ADAMTSL4: variants seen among roughly 807,000 people sequenced by gnomAD.
The protein encoded by ADAMTSL4 is ADAMTS-like protein 4.
A neutral mutation model predicts 122.8 loss-of-function variants in ADAMTSL4; 97 were observed. The ratio of observed to expected loss-of-function variants is 0.79; its 90% CI spans 0.67 to 0.93. The LOEUF (loss-of-function observed/expected upper bound fraction) is 0.93, where lower values mean the gene tolerates loss of function less well. Ranked by LOEUF, ADAMTSL4 falls within the 40% of genes least tolerant of loss-of-function variation. The pLI is 0.00. For synonymous variants in ADAMTSL4, 592 were observed against 568.0 expected, an observed-to-expected ratio of 1.04 and a Z score of -0.60; for missense variants, 1,408 against 1,453.5, an observed-to-expected ratio of 0.97 and a Z score of 0.51.
At position 150,553,732 on chromosome 1, in the gene ADAMTSL4, C is replaced by T. The variant is rs1459910961; in HGVS notation, c.741C>T (p.Ala247=). The T allele has an allele frequency of 6.2e-7, 1 of 1,613,356 alleles. No homozygotes were observed. The highest frequency in any genetic ancestry group is 8.5e-7 in the Non-Finnish European group (1 of 1,179,636). Residue 247 remains alanine (A), a synonymous_variant, in exon 6 of 19, where the codon GCC becomes GCT. Transcript: ENST00000271643. ...AGGTGGCCCCCAGAACCAGGCCTGCCCCCCTACGGCATCACCCCAGAGCCC... is the reference window on the plus strand; with the variant it reads ...AGGTGGCCCCCAGAACCAGGCCTGCTCCCCTACGGCATCACCCCAGAGCCC... ...QTEVAPRTRP[A]PLRHHPRAQA...
rs1356831910 is a variant in ADAMTSL4 at position 150,560,289 on chromosome 1, C to A, written c.*93C>A. 6 of 1,551,574 alleles carry A rather than the reference C, an allele frequency of 3.9e-6. No homozygotes were observed. The highest frequency in any genetic ancestry group is 4.4e-6 in the Non-Finnish European group (5 of 1,144,932). On this transcript the variant is annotated 3_prime_UTR_variant, in exon 19 of 19. Transcript: ENST00000271643. ...AACCCCCTGGCTCTCCAGCCTGTCC[C>A]AGTCTCAGCAGGGATGTCCTCCAGG...
Position 150,554,452 on chromosome 1 carries a change from G to C in ADAMTSL4, c.1219G>C (p.Glu407Gln). ...QEFMGQLYQW[E>Q]PFTEVQGSQR... Reference sequence around the variant, plus strand: ...ATTCATGGGCCAGCTGTATCAGTGGGAGCCCTTCACTGAAGGTGAGGTTTC... The same window carrying C: ...ATTCATGGGCCAGCTGTATCAGTGGCAGCCCTTCACTGAAGGTGAGGTTTC... The change falls in exon 7 of 19, where the codon GAG becomes CAG. Residue 407 changes from glutamate to glutamine, a missense_variant. Physicochemically the swap from Glu to Gln is conservative, Grantham distance 29. Coordinates refer to ENST00000271643, the MANE Select transcript of ADAMTSL4 (RefSeq NM_019032.6). This position sits in a 1 kb window ranked among gnomAD's most constrained non-coding sequence, Gnocchi z 4.0. 6.2e-7 allele frequency: 1 copy of C among 1,614,160 alleles called. No individual in the cohort carries two copies.
Position 150,552,306 on chromosome 1 carries a change from C to T in ADAMTSL4, c.18C>T (p.Gly6=). MENWT[G]RPWLYLLLLL... Reference sequence around the variant, plus strand: ...GGGGAGCGATGGAGAACTGGACTGGCAGGTGAGAGAAGGGGCCACGGGTTG... The same window carrying T: ...GGGGAGCGATGGAGAACTGGACTGGTAGGTGAGAGAAGGGGCCACGGGTTG... Residue 6 remains glycine (G), a splice_region_variant and synonymous_variant, in exon 3 of 19, where the codon GGC becomes GGT. Coordinates refer to ENST00000271643, the MANE Select transcript of ADAMTSL4 (RefSeq NM_019032.6). The surrounding 1 kb of genome is among the most constrained non-coding windows in gnomAD (Gnocchi z 4.0). 6.4e-7 allele frequency: 1 copy of T among 1,556,004 alleles called. No individual in the cohort carries two copies. Among genetic ancestry groups the T allele is most frequent in the Non-Finnish European group, 8.7e-7 (1 of 1,149,090 alleles).
At chr1:150,560,014 G>A in intron 18 of ADAMTSL4, 46 bp from the exon 19 acceptor site, 1 of 1,614,022 alleles carries the variant, frequency 6.2e-7, no homozygotes, top group Admixed American at 1.7e-5. Flanking sequence ...CCAGACGGGT[G>A]GGTCCTGGTG....
chr1:150,555,594 C>T (rs6669880), intron 8 of ADAMTSL4, 29 bp downstream of exon 8: 1 of 1,590,958 alleles, frequency 6.3e-7, no homozygotes, highest in South Asian at 1.1e-5. Context: ...TGTGTGCACA[C>T]ACACATGCAT....
rs587713484 is a variant in ADAMTSL4 at position 150,556,457 on chromosome 1, A to C, written c.1576+91A>C. On this transcript the variant is annotated intron_variant, in intron 9 of 18. Coordinates refer to ENST00000271643, the MANE Select transcript of ADAMTSL4 (RefSeq NM_019032.6). The surrounding 1 kb of genome is among the most constrained non-coding windows in gnomAD (Gnocchi z 4.1). ...GCAGTGAGCAAGCCAAACAGGGGGA[A>C]GTCCAGGGCCTAGCCCCTCCCCTCG... 1.9e-6 allele frequency: 3 copies of C among 1,578,924 alleles called. No individual in the cohort carries two copies. Among genetic ancestry groups the C allele is most frequent in the Non-Finnish European group, 2.6e-6 (3 of 1,154,108 alleles).
chr1:150,559,574 C>A lies in ADAMTSL4; in HGVS notation c.2943+108C>A. ...GTCTCTCTGTGCCCCAGAATAAGCC[C>A]AGCCAAGCGTTACCACTGTCCTACT... On this transcript the variant is annotated intron_variant, in intron 17 of 18. Transcript: ENST00000271643. The surrounding 1 kb of genome is among the most constrained non-coding windows in gnomAD (Gnocchi z 4.1). 1 of 1,568,128 alleles carries A rather than the reference C, an allele frequency of 6.4e-7. No homozygotes were observed. Among genetic ancestry groups the A allele is most frequent in the Admixed American group, 1.7e-5 (1 of 58,368 alleles).
At position 150,560,173 on chromosome 1, in the gene ADAMTSL4, C is replaced by CA. The variant is rs761832443; in HGVS notation, c.3202_3203insA (p.Arg1068GlnfsTer31). On this transcript the variant is annotated frameshift_variant, in exon 19 of 19. Coordinates refer to ENST00000271643, the MANE Select transcript of ADAMTSL4 (RefSeq NM_019032.6). LOFTEE classifies it high-confidence loss of function. ...CCGCTCTTGCGCACATGTCCTGGAG[C>CA]GGTCTCCCCAGGATCCCTCCTGAAA... 1.2e-6 allele frequency: 2 copies of CA among 1,614,052 alleles called. No homozygotes were observed. The highest frequency in any genetic ancestry group is 2.2e-5 in the South Asian group (2 of 91,088).
intron 14 of ADAMTSL4, 87 bp downstream of exon 14, chr1:150,558,236 G>T: frequency 6.3e-7 from 1 of 1,591,306 alleles, no homozygotes. Flanking sequence ...TTTTTCATCA[G>T]CAGAAACTAT....
Position 150,556,881 on chromosome 1 carries a change from G to A in ADAMTSL4, c.1750-58G>A. ...TGTGGTTGTCAAGATGGGAGAGAGA[G>A]CTGGTGGCATCCTCTTCTGGCCACC... On this transcript the variant is annotated intron_variant, in intron 10 of 18. Coordinates refer to ENST00000271643, the MANE Select transcript of ADAMTSL4 (RefSeq NM_019032.6). The surrounding 1 kb of genome is among the most constrained non-coding windows in gnomAD (Gnocchi z 4.1). 6.2e-7 allele frequency: 1 copy of A among 1,610,308 alleles called. No homozygotes were observed. Among genetic ancestry groups the A allele is most frequent in the Non-Finnish European group, 8.5e-7 (1 of 1,176,668 alleles).
chr1:150,559,791 A>T lies in ADAMTSL4; in HGVS notation c.2974A>T (p.Thr992Ser). The change falls in exon 18 of 19, where the codon ACA (threonine) becomes TCA (serine). Residue 992 changes from threonine to serine, a missense_variant. Coordinates refer to ENST00000271643, the MANE Select transcript of ADAMTSL4 (RefSeq NM_019032.6). This position sits in a 1 kb window ranked among gnomAD's most constrained non-coding sequence, Gnocchi z 4.1. ...CSRSCQGGTQ[T>S]REVQCLSTNQ... ...TCGCTCCTGCCAAGGGGGAACGCAG[A>T]CACGGGAGGTCCAGTGCCTGAGCAC... 1 of 1,613,950 alleles carries T rather than the reference A, an allele frequency of 6.2e-7. No individual in the cohort carries two copies. The highest frequency in any genetic ancestry group is 8.5e-7 in the Non-Finnish European group (1 of 1,179,976).
In ADAMTSL4 at chr1:150,557,004, C is replaced by T. The variant is rs1367582819; in HGVS notation, c.1815C>T (p.Ile605=). The stretch of plus-strand genomic sequence containing the variant: ...ATGTCATCTCTTCACCTCCTCCAAT[C>T]CTTGAGAACCCCACCCCAGAGCCCC... The part of the protein sequence containing the change: ...YQYVISSPPP[I]LENPTPEPPV... Residue 605 remains isoleucine (I), a synonymous_variant, in exon 11 of 19, where the codon ATC becomes ATT. Coordinates refer to ENST00000271643, the MANE Select transcript of ADAMTSL4 (RefSeq NM_019032.6). 6.2e-7 allele frequency: 1 copy of T among 1,614,042 alleles called. No homozygotes were observed. Among genetic ancestry groups the T allele is most frequent in the Admixed American group, 1.7e-5 (1 of 60,016 alleles).
chr1:150,559,615 G>A lies in ADAMTSL4; in HGVS notation c.2944-146G>A, dbSNP rs948016370. ...CTGTCCTACTTCTTATAGACTTGGA[G>A]GAAAGATGGGCCCTCTCCATTTGGG... On this transcript the variant is annotated intron_variant, in intron 17 of 18. Coordinates refer to ENST00000271643, the MANE Select transcript of ADAMTSL4 (RefSeq NM_019032.6). This position sits in a 1 kb window ranked among gnomAD's most constrained non-coding sequence, Gnocchi z 4.1. 5 of 1,552,758 alleles carry A rather than the reference G, an allele frequency of 3.2e-6. No homozygotes were observed. The highest frequency in any genetic ancestry group is 1.7e-5 in the Admixed American group (1 of 58,304).
rs1359148183 is a variant in ADAMTSL4 at position 150,549,542 on chromosome 1, C to G, written c.-159+43C>G. On this transcript the variant is annotated intron_variant, in intron 1 of 18. Coordinates refer to ENST00000271643, the MANE Select transcript of ADAMTSL4 (RefSeq NM_019032.6). The surrounding 1 kb of genome is among the most constrained non-coding windows in gnomAD (Gnocchi z 5.0). Reference sequence around the variant, plus strand: ...ACCCCGGCCCCGGCCGCCCCTCTCCCGGGTCCCGTTAGACCGCCCGCCCCG... The same window carrying G: ...ACCCCGGCCCCGGCCGCCCCTCTCCGGGGTCCCGTTAGACCGCCCGCCCCG... The G allele has an allele frequency of 6.6e-6, 1 of 152,304 alleles. No homozygotes were observed. The highest frequency in any genetic ancestry group is 2.4e-5 in the African/African-American group (1 of 41,418). 9.4% of individuals were successfully genotyped at this position (152,304 alleles called of 1,614,324 possible).
At chr1:150,555,396 G>A in intron 7 of ADAMTSL4, 33 bp from the exon 8 acceptor site, 1 of 1,612,882 alleles carries the variant, frequency 6.2e-7, no homozygotes, top group East Asian at 2.2e-5. Context: ...CCACCAGGGA[G>A]CCCACTAACC....
rs757184334 is a variant in ADAMTSL4 at position 150,554,355 on chromosome 1, C to T, written c.1132-10C>T. ...CCCCAGCTCTGACTCCTTTGTACCCCTCACCGCAGCCCTGCCCCCCTGAGC... is the reference window on the plus strand; with the variant it reads ...CCCCAGCTCTGACTCCTTTGTACCCTTCACCGCAGCCCTGCCCCCCTGAGC... On this transcript the variant is annotated splice_polypyrimidine_tract_variant and intron_variant, in intron 6 of 18. Transcript: ENST00000271643. This position sits in a 1 kb window ranked among gnomAD's most constrained non-coding sequence, Gnocchi z 4.0. The T allele has an allele frequency of 7.8e-5, 125 of 1,611,702 alleles. No individual in the cohort carries two copies. The highest frequency in any genetic ancestry group is 8.3e-5 in the Admixed American group (5 of 59,994).
rs773001769 is a variant in ADAMTSL4, at chr1:150,559,125, G to C, written c.2723G>C (p.Cys908Ser). ...PDMRACSLGP[C>S]ERTWRWYTGP... ...ATGCGCGCCTGCAGCCTGGGGCCCTGTGAGAGAACTTGGCGCTGGTACACA... is the reference window on the plus strand; with the variant it reads ...ATGCGCGCCTGCAGCCTGGGGCCCTCTGAGAGAACTTGGCGCTGGTACACA... The change falls in exon 16 of 19, where the codon TGT (cysteine) becomes TCT (serine). Residue 908 changes from cysteine to serine, a missense_variant. Cys to Ser is a moderately radical substitution (Grantham distance 112). Coordinates refer to ENST00000271643, the MANE Select transcript of ADAMTSL4 (RefSeq NM_019032.6). The surrounding 1 kb of genome is among the most constrained non-coding windows in gnomAD (Gnocchi z 4.1). 1.5e-5 allele frequency: 24 copies of C among 1,612,726 alleles called. No individual in the cohort carries two copies. Among genetic ancestry groups the C allele is most frequent in the South Asian group, 2.2e-5 (2 of 91,052 alleles).
At chr1:150,550,690 C>G (rs1049401937) in intron 2 of ADAMTSL4, 1 of 453,908 alleles carries the variant, frequency 2.2e-6, no homozygotes, top group African/African-American at 2.0e-5. Context: ...CCTGGCCTCC[C>G]CCGTTCAGTC....
At chr1:150,555,672 T>G in intron 8 of ADAMTSL4, 107 bp downstream of exon 8, 1 of 1,502,274 alleles carries the variant, frequency 6.7e-7, no homozygotes, top group East Asian at 2.4e-5. Context: ...CATGCACACA[T>G]GCAAGCACAT....
Sources: allele counts gnomAD v4.1 joint callset, GRCh38; gene constraint gnomAD v4.1.1; non-coding constraint Gnocchi (gnomAD v3.1); transcripts MANE v1.5; gene names NCBI Gene and HGNC (gene_info 2026-07-23, HGNC 2026-07-21).